The following EPHA5 variants were observed in gnomAD, a reference collection of about 807,000 sequenced individuals.
EPHA5 encodes ephrin type-A receptor 5.
In EPHA5, 60 loss-of-function variants were observed where a neutral mutation model predicts 105.0. That is an observed-to-expected ratio of 0.57 (90% CI 0.46 to 0.71). The LOEUF is 0.71. Among genes scored for constraint, EPHA5 ranks in the 30% least tolerant of loss-of-function variants. The pLI is 0.00. For synonymous variants in EPHA5, 513 were observed against 449.1 expected, an observed-to-expected ratio of 1.14 and a Z score of -1.80; for missense variants, 1,218 against 1,274.7, an observed-to-expected ratio of 0.96 and a Z score of 0.68.
chr4:65,581,099 T>C (rs952832714), intron 3 of EPHA5, among the ~76,000 whole-genome samples: 4 of 151,774 alleles, frequency 2.6e-5, no homozygotes, highest in Non-Finnish European at 5.9e-5. Context: ...CAATTAGCCT[T>C]TATCTATCGT....
At chr4:65,350,199 A>T (rs1256375916) in intron 13 of EPHA5, among the ~76,000 whole-genome samples, 1 of 152,128 alleles carries the variant, frequency 6.6e-6, no homozygotes, top group Non-Finnish European at 1.5e-5. Flanking sequence ...TTCTTAATTG[A>T]GTTTTCATGT....
intron 3 of EPHA5, among the ~76,000 whole-genome samples, chr4:65,518,646 A>G (rs1734350540): frequency 6.6e-6 from 1 of 152,038 alleles, no homozygotes; most frequent in South Asian, 2.1e-4. Context: ...TTCTTACGTC[A>G]GATGTACCCT....
At chr4:65,433,399 T>A (rs1236980368) in intron 5 of EPHA5, among the ~76,000 whole-genome samples, 1 of 152,226 alleles carries the variant, frequency 6.6e-6, no homozygotes, top group Non-Finnish European at 1.5e-5. Flanking sequence ...ATATTGGATA[T>A]TCGCTTAGAA....
At chr4:65,512,289 CG>C (rs1449614107) in intron 3 of EPHA5, among the ~76,000 whole-genome samples, 1 of 151,850 alleles carries the variant, frequency 6.6e-6, no homozygotes, top group African/African-American at 2.4e-5. Context: ...TGCTAGTGGT[CG>C]GTGAGAGTAC....
chr4:65,650,576 C>A (rs1244183810), intron 1 of EPHA5, among the ~76,000 whole-genome samples: 2 of 75,922 alleles, frequency 2.6e-5, no homozygotes, highest in Non-Finnish European at 5.7e-5. Flanking sequence ...AAAAAAAGAG[C>A]TAGTTGTTAG....
chr4:65,399,917 T>A (rs1237236472), intron 8 of EPHA5, among the ~76,000 whole-genome samples: 1 of 152,208 alleles, frequency 6.6e-6, no homozygotes, highest in East Asian at 1.9e-4. Flanking sequence ...CCTTTGTATG[T>A]CTATACCACT....
chr4:65,503,576 A>C (rs558468933), intron 3 of EPHA5, among the ~76,000 whole-genome samples: 52 of 151,900 alleles, frequency 3.4e-4, no homozygotes, highest in Middle Eastern at 3.4e-3. Flanking sequence ...ATGTATTTTT[A>C]ATTTATGCTC....
At chr4:65,607,177 T>C (rs1329591051) in intron 2 of EPHA5, among the ~76,000 whole-genome samples, 2 of 151,132 alleles carry the variant, frequency 1.3e-5, no homozygotes, top group Non-Finnish European at 2.9e-5. Flanking sequence ...ACTAACTCAC[T>C]GATGTTTTTT....
intron 4 of EPHA5, among the ~76,000 whole-genome samples, chr4:65,492,758 A>C (rs1378873800): frequency 6.6e-6 from 1 of 152,108 alleles, no homozygotes; most frequent in Non-Finnish European, 1.5e-5. Flanking sequence ...ATACTTGTGC[A>C]TGTGTCTTTA....
intron 6 of EPHA5, among the ~76,000 whole-genome samples, chr4:65,417,724 C>CA (rs560129939): frequency 4.6e-5 from 7 of 151,014 alleles, no homozygotes; most frequent in African/African-American, 9.7e-5. Context: ...AAATGTAACT[C>CA]AAAAAAAATT....
intron 5 of EPHA5, among the ~76,000 whole-genome samples, chr4:65,439,706 A>G (rs1242231005): frequency 6.6e-6 from 1 of 152,170 alleles, no homozygotes; most frequent in Admixed American, 6.6e-5. Context: ...CATGATCTCT[A>G]TCAAAAACTA....
chr4:65,404,575 A>C, intron 7 of EPHA5, 96 bp from the exon 8 acceptor site: 1 of 1,032,056 alleles, frequency 9.7e-7, no homozygotes, highest in Non-Finnish European at 1.4e-6. Context: ...TTCATGATTT[A>C]AGCAATTTAC....
intron 8 of EPHA5, among the ~76,000 whole-genome samples, chr4:65,380,339 T>A (rs988345332): frequency 2.6e-5 from 4 of 151,816 alleles, no homozygotes; most frequent in Admixed American, 1.3e-4. Flanking sequence ...GATAGCATAA[T>A]CTTTTCAGAC....
intron 3 of EPHA5, among the ~76,000 whole-genome samples, chr4:65,543,472 A>G (rs775504578): frequency 6.6e-6 from 1 of 152,052 alleles, no homozygotes; most frequent in Non-Finnish European, 1.5e-5. Flanking sequence ...TCCCATTAAC[A>G]ATTGCTATAA....
intron 3 of EPHA5, among the ~76,000 whole-genome samples, chr4:65,542,656 G>A (rs1285237941): frequency 3.3e-5 from 5 of 151,900 alleles, no homozygotes; most frequent in Non-Finnish European, 5.9e-5. Context: ...AGAGGAGCTG[G>A]CACCATTCCT....
chr4:65,614,607 T>C (rs1179328809), intron 2 of EPHA5, among the ~76,000 whole-genome samples: 2 of 151,870 alleles, frequency 1.3e-5, no homozygotes, highest in Admixed American at 1.3e-4. Flanking sequence ...TAATATTTCT[T>C]CACCCTACTT....
At chr4:65,608,687 G>A (rs892582835) in intron 2 of EPHA5, among the ~76,000 whole-genome samples, 3 of 152,050 alleles carry the variant, frequency 2.0e-5, no homozygotes, top group African/African-American at 7.2e-5. Flanking sequence ...AGGTGATCCT[G>A]GAAGAAGAGT....
intron 3 of EPHA5, among the ~76,000 whole-genome samples, chr4:65,593,991 G>C (rs1742929860): frequency 1.3e-5 from 2 of 152,078 alleles, no homozygotes; most frequent in Non-Finnish European, 2.9e-5. Context: ...GAGTTTTCAC[G>C]ATCGAATTTC....
At chr4:65,393,361 T>A (rs1720907052) in intron 8 of EPHA5, among the ~76,000 whole-genome samples, 1 of 152,152 alleles carries the variant, frequency 6.6e-6, no homozygotes, top group Admixed American at 6.6e-5. Context: ...GGGTATCAAG[T>A]TTCTGTAACA....
Sources: gnomAD v4.1 joint callset for allele counts (sites outside exome capture counted in the v4.1 genomes callset) on GRCh38, gnomAD v4.1.1 for gene constraint, MANE v1.5 for transcripts, NCBI Gene and HGNC (gene_info 2026-07-23, HGNC 2026-07-21) for gene names.